ZNF211: variants seen among roughly 807,000 people sequenced by gnomAD.
The protein encoded by ZNF211 is zinc finger protein C2H2-25.
A neutral mutation model predicts 12.1 loss-of-function variants in ZNF211; 18 were observed. The ratio of observed to expected loss-of-function variants is 1.48; its 90% CI spans 1.03 to 2.20. ZNF211 has a LOEUF of 2.20. ZNF211 is among the 30% of genes most tolerant of loss of function. The pLI is 0.00. For synonymous variants in ZNF211, 249 were observed against 246.0 expected, an observed-to-expected ratio of 1.01 and a Z score of -0.11; for missense variants, 677 against 703.1, an observed-to-expected ratio of 0.96 and a Z score of 0.42.
intron 3 of ZNF211, among the ~76,000 whole-genome samples, chr19:57,637,148 C>T (rs1982245340): frequency 6.6e-6 from 1 of 152,102 alleles, no homozygotes; most frequent in African/African-American, 2.4e-5. Context: ...TTTTACTCCT[C>T]CTTTCCCATT....
rs55696059 is a variant in ZNF211, at chr19:57,639,408, C to CTTTTTTTTTTTTTTTT, written c.257-1280_257-1265dup. Among the ~76,000 whole-genome samples, 12 of 20,758 alleles carry CTTTTTTTTTTTTTTTT rather than the reference C, an allele frequency of 5.8e-4. 1 individual carries two copies. The highest frequency in any genetic ancestry group is 8.4e-4 in the African/African-American group (4 of 4,736). The allele number at this position is 20,758 out of a possible 152,430, so 13.6% of individuals were successfully genotyped here. ...CTTCCCTTGTCATTTCCTTTATGTACTTTTTTTTTTTTTTTTTTTTTTTTT... is the reference window on the plus strand; with the variant it reads ...CTTCCCTTGTCATTTCCTTTATGTACTTTTTTTTTTTTTTTTTTTTTTTTTTTTTTTTTTTTTTTTT... On this transcript the variant is annotated intron_variant, in intron 3 of 3. Coordinates refer to ENST00000240731, the MANE Select transcript of ZNF211 (RefSeq NM_006385.5).
At chr19:57,639,066 G>C (rs1982511217) in intron 3 of ZNF211, among the ~76,000 whole-genome samples, 1 of 151,818 alleles carries the variant, frequency 6.6e-6, no homozygotes, top group Non-Finnish European at 1.5e-5. Context: ...CTTTTTGTAG[G>C]CTGTCACTTT....
intron 2 of ZNF211, 66 bp from the exon 3 acceptor site, chr19:57,634,563 G>A (rs1981894175): frequency 6.8e-7 from 1 of 1,461,222 alleles, no homozygotes; most frequent in East Asian, 2.5e-5. Context: ...AGAATGTATG[G>A]GGACATGGAT....
At chr19:57,638,824 AACTATCC>A (rs1264635773) in intron 3 of ZNF211, among the ~76,000 whole-genome samples, 3 of 152,140 alleles carry the variant, frequency 2.0e-5, no homozygotes, top group African/African-American at 7.2e-5. Context: ...GTTATTGTAG[AACTATCC>A]ATTTCTCCCT....
chr19:57,634,530 T>C, intron 2 of ZNF211, 99 bp from the exon 3 acceptor site: 1 of 1,395,838 alleles, frequency 7.2e-7, no homozygotes, highest in East Asian at 2.6e-5. Flanking sequence ...TGGTGTCTCT[T>C]CTGACTTGGG....
At chr19:57,636,045 C>T (rs1316662163) in intron 3 of ZNF211, among the ~76,000 whole-genome samples, 3 of 151,994 alleles carry the variant, frequency 2.0e-5, no homozygotes, top group African/African-American at 4.8e-5. Context: ...TTATTCAAGT[C>T]CTTTGCCTAT....
Position 57,642,237 on chromosome 19 carries a change from T to C in ZNF211, c.*56T>C. ...TGTAATTATACTGAAGGAGTACACCTGTGAGAGAGACAAGTACCTGATTTG... is the reference window on the plus strand; with the variant it reads ...TGTAATTATACTGAAGGAGTACACCCGTGAGAGAGACAAGTACCTGATTTG... On this transcript the variant is annotated 3_prime_UTR_variant, in exon 4 of 4. Transcript: ENST00000240731. 6.6e-7 allele frequency: 1 copy of C among 1,509,976 alleles called. No homozygotes were observed. The highest frequency in any genetic ancestry group is 8.9e-7 in the Non-Finnish European group (1 of 1,128,380). 93.5% of individuals were successfully genotyped at this position (1,509,976 alleles called of 1,614,324 possible).
rs1453845320 is a variant in ZNF211, at chr19:57,641,628, A to G, written c.1181A>G (p.Asn394Ser). ...GAATGTGGGAAATCTTTTAGCCAAA[A>G]CTTTAGCCTGATCTACCACCAGAGA... ...CSECGKSFSQ[N>S]FSLIYHQRVH... Residue 394 changes from asparagine to serine, a missense_variant, in exon 4 of 4, where the codon AAC (asparagine) becomes AGC (serine). Physicochemically the swap from Asn to Ser is conservative, Grantham distance 46. Transcript: ENST00000240731. 1.2e-6 allele frequency: 2 copies of G among 1,612,306 alleles called. No homozygotes were observed. Among genetic ancestry groups the G allele is most frequent in the Non-Finnish European group, 1.7e-6 (2 of 1,179,220 alleles).
intron 2 of ZNF211, 48 bp from the exon 3 acceptor site, chr19:57,634,581 C>A (rs777051854): frequency 6.8e-7 from 1 of 1,480,862 alleles, no homozygotes; most frequent in Non-Finnish European, 9.0e-7. Context: ...GATTTTGAGT[C>A]TTCCAAATTG....
intron 3 of ZNF211, among the ~76,000 whole-genome samples, chr19:57,636,059 T>A (rs1982093813): frequency 6.6e-6 from 1 of 152,208 alleles, no homozygotes; most frequent in Middle Eastern, 3.2e-3. Flanking sequence ...TGCCTATTTT[T>A]AAATTAGGTT....
chr19:57,640,693 T>C lies in ZNF211; in HGVS notation c.257-11T>C. Reference sequence around the variant, plus strand: ...GTAACATGTACTTCACCATGATCTCTTTACTTTTAGGTTGTTGGTGTGGAG... The same window carrying C: ...GTAACATGTACTTCACCATGATCTCCTTACTTTTAGGTTGTTGGTGTGGAG... On this transcript the variant is annotated splice_polypyrimidine_tract_variant and intron_variant, in intron 3 of 3. Coordinates refer to ENST00000240731, the MANE Select transcript of ZNF211 (RefSeq NM_006385.5). The C allele has an allele frequency of 6.2e-7, 1 of 1,611,032 alleles. No individual in the cohort carries two copies. Among genetic ancestry groups the C allele is most frequent in the Non-Finnish European group, 8.5e-7 (1 of 1,177,938 alleles).
chr19:57,642,139 C>G lies in ZNF211; in HGVS notation c.1692C>G (p.Val564=). The change falls in exon 4 of 4, where the codon GTC becomes GTG. Residue 564 remains valine, a synonymous_variant. Coordinates refer to ENST00000240731, the MANE Select transcript of ZNF211 (RefSeq NM_006385.5). ...GGAAATCCTTTGGCTGCAAATCTGT[C>G]CTCATTCAACACCAGAGAGTTCACA... The part of the protein sequence containing the change: ...QCGKSFGCKS[V]LIQHQRVHIG... 6.2e-7 allele frequency: 1 copy of G among 1,613,324 alleles called. No homozygotes were observed. The highest frequency in any genetic ancestry group is 1.1e-5 in the South Asian group (1 of 91,006).
At chr19:57,639,397 TCC>T (rs1982572204) in intron 3 of ZNF211, among the ~76,000 whole-genome samples, 4 of 135,340 alleles carry the variant, frequency 3.0e-5, no homozygotes, top group Non-Finnish European at 4.8e-5. Flanking sequence ...CCTTGTCATT[TCC>T]TTTATGTACT....
In ZNF211 at chr19:57,633,382, G is replaced by C. The variant is rs370362787; in HGVS notation, c.36G>C (p.Pro12=). The C allele has an allele frequency of 3.1e-6, 5 of 1,603,212 alleles. No homozygotes were observed. The highest frequency in any genetic ancestry group is 4.2e-6 in the Non-Finnish European group (5 of 1,177,820). The part of the protein sequence containing the change: ...LGFPPGRPQL[P]VQLRPQTRMA... ...TCCCCCCGGGTCGCCCGCAGCTCCC[G>C]GTCCAGCTCCGCCCACAGACTCGGA... Residue 12 remains proline (P), a synonymous_variant, in exon 1 of 4, where the codon CCG becomes CCC. Coordinates refer to ENST00000240731, the MANE Select transcript of ZNF211 (RefSeq NM_006385.5).
intron 1 of ZNF211, 23 bp from the exon 2 acceptor site, chr19:57,634,000 C>T (rs1300212459): frequency 6.3e-7 from 1 of 1,594,068 alleles, no homozygotes. Context: ...TCACATTCCT[C>T]TGAGGCCTGC....
chr19:57,633,186 TCTTCGCAGCGGTCATTTTGGCTGCCCTC>T lies in ZNF211; in HGVS notation c.-159_-132del. The T allele has an allele frequency of 1.6e-6, 1 of 644,214 alleles. No homozygotes were observed. Among genetic ancestry groups the T allele is most frequent in the South Asian group, 2.3e-5 (1 of 43,710 alleles). 39.9% of individuals were successfully genotyped at this position (644,214 alleles called of 1,614,324 possible). On this transcript the variant is annotated 5_prime_UTR_variant, in exon 1 of 4. Transcript: ENST00000240731. Reference sequence around the variant, plus strand: ...CCCCCCCAGGGCGGGACTTGTGGCGTCTTCGCAGCGGTCATTTTGGCTGCCCTCCCGGAGGTCCGTTCTGTCTGTCAGC... The same window carrying T: ...CCCCCCCAGGGCGGGACTTGTGGCGTCCGGAGGTCCGTTCTGTCTGTCAGC...
intron 2 of ZNF211, 130 bp downstream of exon 2, chr19:57,634,191 C>T (rs1981848741): frequency 9.5e-7 from 1 of 1,056,714 alleles, no homozygotes; most frequent in East Asian, 2.7e-5. Context: ...TTTGGGAACC[C>T]TGGAGAATCC....
rs1256650132 is a variant in ZNF211 at position 57,642,317 on chromosome 19, A to G, written c.*136A>G. The G allele has an allele frequency of 5.1e-6, 5 of 977,922 alleles. No homozygotes were observed. Among genetic ancestry groups the G allele is most frequent in the East Asian group, 2.4e-5 (1 of 40,874 alleles). 60.6% of individuals were successfully genotyped at this position (977,922 alleles called of 1,614,324 possible). ...GGCGGATTCCCCTTAAGTTCCAGGT[A>G]TGTGTTACACTTTCTAACATGCCAT... is the stretch of plus-strand genomic sequence containing the variant. On this transcript the variant is annotated 3_prime_UTR_variant, in exon 4 of 4. Coordinates refer to ENST00000240731, the MANE Select transcript of ZNF211 (RefSeq NM_006385.5).
rs917675417 is a variant in ZNF211 at position 57,640,611 on chromosome 19, T to G, written c.257-93T>G. 3.3e-6 allele frequency: 5 copies of G among 1,498,186 alleles called. No individual in the cohort carries two copies. In the Admixed American group the frequency reaches 6.2e-5, roughly 19 times the overall value. 92.8% of individuals were successfully genotyped at this position (1,498,186 alleles called of 1,614,324 possible). ...TTTTCCTAAAAACAGGCCCATATAC[T>G]GGTTCTTTGCTGTAACTGATGTGCA... On this transcript the variant is annotated intron_variant, in intron 3 of 3. Transcript: ENST00000240731.
Sources: gnomAD v4.1 joint callset for allele counts (sites outside exome capture counted in the v4.1 genomes callset) on GRCh38, gnomAD v4.1.1 for gene constraint, MANE v1.5 for transcripts, NCBI Gene and HGNC (gene_info 2026-07-23, HGNC 2026-07-21) for gene names.